ZC3H12B: variants seen among roughly 807,000 people sequenced by gnomAD.
ZC3H12B encodes probable ribonuclease ZC3H12B.
In ZC3H12B, 7 loss-of-function variants were observed where a neutral mutation model predicts 43.9. The ratio of observed to expected loss-of-function variants is 0.16; its 90% CI spans 0.09 to 0.30. The LOEUF (loss-of-function observed/expected upper bound fraction) is 0.30, where lower values mean the gene tolerates loss of function less well. ZC3H12B is among the 10% of genes least tolerant of loss of function. The probability of loss-of-function intolerance (pLI) is 1.00; values close to 1 mark genes in which losing one functional copy is unlikely to be tolerated. For synonymous variants in ZC3H12B, 222 were observed against 241.7 expected (o/e 0.92, Z 0.76); for missense variants, 475 against 670.2 (o/e 0.71, Z 3.22).
At chrX:65,483,233 A>G (rs937197717) in intron 3 of ZC3H12B, among the ~76,000 whole-genome samples, 2 of 111,968 alleles carry the variant, frequency 1.8e-5, no homozygotes, top group Admixed American at 9.5e-5. Flanking sequence ...AAAATATGCT[A>G]TTTCTTAGAC....
chrX:65,225,631 A>T, the ZC3H12B span, among the ~76,000 whole-genome samples: 1 of 112,117 alleles, frequency 8.9e-6, no homozygotes, highest in Non-Finnish European at 1.9e-5. Context: ...CTTTGAAAAA[A>T]ATTTAGACAA....
At chrX:65,101,168 G>A in the ZC3H12B span, among the ~76,000 whole-genome samples, 1 of 111,788 alleles carries the variant, frequency 8.9e-6, no homozygotes, top group Non-Finnish European at 1.9e-5. Flanking sequence ...TGAAATTAAC[G>A]CAGAAATAAA....
chrX:65,069,173 G>T, the ZC3H12B span, among the ~76,000 whole-genome samples: 1 of 107,825 alleles, frequency 9.3e-6, no homozygotes, highest in Non-Finnish European at 1.9e-5. Context: ...TTTTTTTTAG[G>T]TTTGGGAAGT....
At chrX:65,242,051 G>C in the ZC3H12B span, among the ~76,000 whole-genome samples, 1 of 111,183 alleles carries the variant, frequency 9.0e-6, no homozygotes, top group African/African-American at 3.3e-5. Context: ...GAAGAAGTGT[G>C]GTTTCCCGAG....
upstream of ZC3H12B, among the ~76,000 whole-genome samples, chrX:65,365,683 G>A (rs776681898): frequency 1.8e-5 from 2 of 111,118 alleles, no homozygotes; most frequent in Admixed American, 1.9e-4. Flanking sequence ...CTGAGCCCAA[G>A]CTAAGCCATC....
the ZC3H12B span, among the ~76,000 whole-genome samples, chrX:65,231,227 G>T: frequency 9.0e-6 from 1 of 110,589 alleles, no homozygotes; most frequent in Non-Finnish European, 1.9e-5. Context: ...ATAGGGAGTG[G>T]GTCACAGAGA....
At chrX:65,145,240 C>T in the ZC3H12B span, among the ~76,000 whole-genome samples, 5 of 98,556 alleles carry the variant, frequency 5.1e-5, no homozygotes, top group Non-Finnish European at 1.0e-4. Context: ...TCTTCGTTTT[C>T]TTTTTTTTTT....
At chrX:65,158,854 G>A in the ZC3H12B span, among the ~76,000 whole-genome samples, 5 of 111,812 alleles carry the variant, frequency 4.5e-5, no homozygotes, top group Admixed American at 9.6e-5. Flanking sequence ...GCCCATGCCT[G>A]TGTCCTGAAT....
chrX:65,377,637 G>A (rs1465200662), intron 2 of ZC3H12B, among the ~76,000 whole-genome samples: 3 of 110,553 alleles, frequency 2.7e-5, no homozygotes, highest in Non-Finnish European at 5.7e-5. Flanking sequence ...AGCTTTGGGG[G>A]AAAAAAAGAA....
At chrX:65,163,662 G>A in the ZC3H12B span, among the ~76,000 whole-genome samples, 1 of 111,561 alleles carries the variant, frequency 9.0e-6, no homozygotes, top group East Asian at 2.8e-4. Flanking sequence ...GATTTTCCAG[G>A]TGCCATCTGT....
At chrX:65,117,186 AG>A in the ZC3H12B span, among the ~76,000 whole-genome samples, 87 of 112,043 alleles carry the variant, frequency 7.8e-4, no homozygotes, top group Middle Eastern at 0.023. Context: ...ACAATGTAAA[AG>A]TATTCCTATA....
intron 3 of ZC3H12B, among the ~76,000 whole-genome samples, chrX:65,407,747 C>T (rs1456963488): frequency 8.8e-6 from 1 of 113,738 alleles, no homozygotes; most frequent in East Asian, 2.8e-4. Flanking sequence ...CCCCGCCTCC[C>T]CGCCCGGGCG....
chrX:65,252,493 C>T, the ZC3H12B span, among the ~76,000 whole-genome samples: 4 of 111,686 alleles, frequency 3.6e-5, no homozygotes, highest in Non-Finnish European at 7.5e-5. Context: ...GATGTAAATA[C>T]TATTATTACC....
chrX:65,152,833 T>C, the ZC3H12B span, among the ~76,000 whole-genome samples: 7 of 111,688 alleles, frequency 6.3e-5, no homozygotes, highest in Non-Finnish European at 9.4e-5. Context: ...CTTCAAACTA[T>C]ACTACAAGGC....
At chrX:65,181,978 A>C in the ZC3H12B span, among the ~76,000 whole-genome samples, 1 of 111,950 alleles carries the variant, frequency 8.9e-6, no homozygotes, top group African/African-American at 3.2e-5. Flanking sequence ...CACTGTGTAC[A>C]ATAGCAAAGA....
At chrX:65,223,960 G>A in the ZC3H12B span, among the ~76,000 whole-genome samples, 9 of 112,043 alleles carry the variant, frequency 8.0e-5, no homozygotes, top group African/African-American at 9.7e-5. Flanking sequence ...GGTATCGACC[G>A]AGAGGAAAAG....
the ZC3H12B span, among the ~76,000 whole-genome samples, chrX:65,204,153 C>A: frequency 2.7e-5 from 3 of 109,237 alleles, no homozygotes; most frequent in Admixed American, 9.6e-5. Context: ...ATTTTCTACC[C>A]TCTTCAGTGC....
the ZC3H12B span, among the ~76,000 whole-genome samples, chrX:65,334,167 C>A: frequency 1.8e-5 from 2 of 111,932 alleles, no homozygotes; most frequent in African/African-American, 3.2e-5. Flanking sequence ...ACTTTTATAA[C>A]CCTTTACAAT....
At chrX:65,333,671 T>C in the ZC3H12B span, among the ~76,000 whole-genome samples, 2 of 111,798 alleles carry the variant, frequency 1.8e-5, no homozygotes, top group African/African-American at 3.2e-5. Context: ...TCTATTCTAA[T>C]GTCACAATTT....
Sources: allele counts gnomAD v4.1 joint callset (sites outside exome capture counted in the v4.1 genomes callset), GRCh38; gene constraint gnomAD v4.1.1; transcripts MANE v1.5; gene names NCBI Gene and HGNC (gene_info 2026-07-23, HGNC 2026-07-21).